The following SMC1A variants were observed in gnomAD, a reference collection of about 807,000 sequenced individuals.
SMC1A encodes the protein structural maintenance of chromosomes protein 1A.
Under a neutral mutation model 94.5 loss-of-function variants are expected in SMC1A, and 4 were observed. The observed-to-expected ratio is 0.04, with a 90% CI of 0.02 to 0.10. SMC1A has a LOEUF of 0.10. SMC1A is among the 10% of genes least tolerant of loss of function. The pLI, the probability that SMC1A is intolerant of heterozygous loss-of-function variation, is 1.00. For synonymous variants in SMC1A, 345 were observed against 347.7 expected (o/e 0.99, Z 0.09); for missense variants, 304 against 989.0 (o/e 0.31, Z 9.29).
chrX:53,414,934 G>A, intron 2 of SMC1A, 47 bp downstream of exon 2: 1 of 1,201,402 alleles, frequency 8.3e-7, no homozygotes, highest in Non-Finnish European at 1.1e-6. Flanking sequence ...AACTAGTCTA[G>A]CCACCTCCCA....
Position 53,396,396 on chromosome X carries a change from G to A in SMC1A, c.2709-16C>T. On this transcript the variant is annotated splice_polypyrimidine_tract_variant and intron_variant, in intron 17 of 24. Transcript: ENST00000322213. ...GGTCATTTCCCTAAAAAAGGTCCAG[G>A]GGCTAGGTGAGACCCAAATCTGGCA... The A allele has an allele frequency of 1.7e-6, 2 of 1,211,137 alleles. No individual in the cohort carries two copies. The highest frequency in any genetic ancestry group is 2.2e-6 in the Non-Finnish European group (2 of 895,311).
chrX:53,409,019 T>C, intron 9 of SMC1A, 43 bp downstream of exon 9: 1 of 1,132,679 alleles, frequency 8.8e-7, no homozygotes, highest in Non-Finnish European at 1.2e-6. Context: ...CGTGTGACAG[T>C]GAGTGTAAGT....
At position 53,413,367 on chromosome X, in the gene SMC1A, A is replaced by G; in HGVS notation, c.480T>C (p.Arg160=). 8.3e-7 allele frequency: 1 copy of G among 1,211,453 alleles called. No individual in the cohort carries two copies. The highest frequency in any genetic ancestry group is 1.1e-6 in the Non-Finnish European group (1 of 895,321). The part of the protein sequence containing the change: ...ERTALFEEIS[R]SGELAQEYDK... ...CATACTCCTGCGCCAGCTCCCCAGA[A>G]CGACTAATCTCTTCAAATAGAGCTG... Residue 160 remains arginine, a synonymous_variant, in exon 4 of 25, where the codon CGT becomes CGC. Transcript: ENST00000322213.
chrX:53,419,227 G>C (rs782221512), intron 1 of SMC1A, among the ~76,000 whole-genome samples: 10 of 109,291 alleles, frequency 9.1e-5, no homozygotes, highest in Admixed American at 3.0e-4. Flanking sequence ...CCATAGAGAC[G>C]GTATAAGACT....
intron 9 of SMC1A, among the ~76,000 whole-genome samples, chrX:53,406,822 C>T (rs928240263): frequency 3.6e-5 from 4 of 111,344 alleles, no homozygotes; most frequent in East Asian, 2.8e-4. Flanking sequence ...CTTAGCCTCC[C>T]GAGTAGCTGG....
chrX:53,385,517 G>A (rs1022407634), intron 19 of SMC1A, among the ~76,000 whole-genome samples: 1 of 108,999 alleles, frequency 9.2e-6, no homozygotes, highest in Non-Finnish European at 1.9e-5. Context: ...CTCGTGATCC[G>A]CCCGCCTAGG....
chrX:53,389,147 G>A (rs1401062911), intron 19 of SMC1A, among the ~76,000 whole-genome samples: 1 of 104,122 alleles, frequency 9.6e-6, no homozygotes, highest in Non-Finnish European at 2.0e-5. Context: ...GGGGGGTGAA[G>A]GGAACATTTT....
At chrX:53,419,829 AAAAAAAAAG>A (rs2075747968) in intron 1 of SMC1A, among the ~76,000 whole-genome samples, 1 of 108,798 alleles carries the variant, frequency 9.2e-6, no homozygotes, top group Admixed American at 9.9e-5. Flanking sequence ...ATCTCAAAAA[AAAAAAAAAG>A]AAAAAAAAGA....
intron 9 of SMC1A, among the ~76,000 whole-genome samples, chrX:53,408,555 G>A (rs191455914): frequency 9.0e-6 from 1 of 111,563 alleles, no homozygotes; most frequent in Admixed American, 9.5e-5. Context: ...GGGAACTCAG[G>A]ATTTGGTGAA....
At chrX:53,414,952 A>G in intron 2 of SMC1A, 29 bp downstream of exon 2, 1 of 1,208,144 alleles carries the variant, frequency 8.3e-7, no homozygotes, top group Non-Finnish European at 1.1e-6. Context: ...CCAGGACCCA[A>G]GGAGAGCTTT....
intron 19 of SMC1A, among the ~76,000 whole-genome samples, chrX:53,383,836 G>A (rs1556886204): frequency 2.7e-5 from 3 of 111,987 alleles, no homozygotes; most frequent in Non-Finnish European, 5.6e-5. Flanking sequence ...TGTGAGCCCT[G>A]GTTTCTGTGC....
chrX:53,380,797 A>G, intron 23 of SMC1A, 67 bp from the exon 24 acceptor site: 1 of 836,699 alleles, frequency 1.2e-6, no homozygotes, highest in Non-Finnish European at 1.8e-6. Context: ...TTTTCCAGCC[A>G]CAACCAGAAG....
chrX:53,407,722 A>G (rs2075696476), intron 9 of SMC1A, among the ~76,000 whole-genome samples: 1 of 111,647 alleles, frequency 9.0e-6, no homozygotes, highest in Non-Finnish European at 1.9e-5. Flanking sequence ...TAGGTCACCC[A>G]GCTGGTGTCT....
intron 9 of SMC1A, among the ~76,000 whole-genome samples, chrX:53,406,339 G>C (rs2075691093): frequency 8.9e-6 from 1 of 111,927 alleles, no homozygotes; most frequent in Non-Finnish European, 1.9e-5. Context: ...GTGCACTCCA[G>C]ATCAGCACAG....
intron 19 of SMC1A, among the ~76,000 whole-genome samples, chrX:53,391,853 C>G (rs913257352): frequency 9.0e-6 from 1 of 110,560 alleles, no homozygotes; most frequent in Non-Finnish European, 1.9e-5. Flanking sequence ...TCAGGTAATT[C>G]GTTGCTGTAG....
chrX:53,388,409 A>C (rs1461581917), intron 19 of SMC1A, among the ~76,000 whole-genome samples: 2 of 110,617 alleles, frequency 1.8e-5, no homozygotes, highest in African/African-American at 6.6e-5. Flanking sequence ...ACTTTGATGG[A>C]TATTTGGAAC....
rs1376043814 is a variant in SMC1A at position 53,374,691 on chromosome X, A to G, written c.*5412T>C. On this transcript the variant is annotated 3_prime_UTR_variant, in exon 25 of 25. Transcript: ENST00000322213. ...TGTTCCTCGTGGCTCCTATTGCTTC[A>G]TGGCTTCTAGCCCATTGTTGCCTTG... 8.9e-6 allele frequency: 1 copy of G among 111,770 alleles called. No homozygotes were observed. The highest frequency in any genetic ancestry group is 1.9e-5 in the Non-Finnish European group (1 of 53,096). The allele number at this position is 111,770 out of a possible 1,213,427, so 9.2% of individuals were successfully genotyped here.
rs1415804526 is a variant in SMC1A, at chrX:53,379,428, T to C, written c.*675A>G. The C allele has an allele frequency of 2.7e-5, 3 of 112,559 alleles. No individual in the cohort carries two copies. The highest frequency in any genetic ancestry group is 3.7e-5 in the Non-Finnish European group (2 of 53,560). The allele number at this position is 112,559 out of a possible 1,213,427, so 9.3% of individuals were successfully genotyped here. On this transcript the variant is annotated 3_prime_UTR_variant, in exon 25 of 25. Coordinates refer to ENST00000322213, the MANE Select transcript of SMC1A (RefSeq NM_006306.4). ...AGTACATATGACATTCAGCTAACTA[T>C]AGTCATTCATGAACCCACTGTATCT...
rs918289416 is a variant in SMC1A at position 53,392,636 on chromosome X, C to T, written c.2973+2142G>A. On this transcript the variant is annotated intron_variant, in intron 19 of 24. Coordinates refer to ENST00000322213, the MANE Select transcript of SMC1A (RefSeq NM_006306.4). The stretch of plus-strand genomic sequence containing the variant: ...CTAATTTTTGTATTTTTAGTAGAGA[C>T]GGGGTTTCACCATGTTGGCCAGGCT... Among the ~76,000 whole-genome samples, 8 of 110,736 alleles carry T rather than the reference C, an allele frequency of 7.2e-5. No homozygotes were observed. In the South Asian group the frequency reaches 1.2e-3, roughly 16 times the overall value.
Sources: allele counts gnomAD v4.1 joint callset (sites outside exome capture counted in the v4.1 genomes callset), GRCh38; gene constraint gnomAD v4.1.1; transcripts MANE v1.5; gene names NCBI Gene and HGNC (gene_info 2026-07-23, HGNC 2026-07-21).